CLASP1: variants seen among roughly 807,000 people sequenced by gnomAD.
CLASP1 encodes the protein cytoplasmic linker associated protein 1.
Under a neutral mutation model 192.3 loss-of-function variants are expected in CLASP1, and 38 were observed. The ratio of observed to expected loss-of-function variants is 0.20; its 90% confidence interval spans 0.15 to 0.26. The LOEUF (loss-of-function observed/expected upper bound fraction) is 0.26, where lower values mean the gene tolerates loss of function less well. Ranked by LOEUF, CLASP1 falls within the 10% of genes least tolerant of loss-of-function variation. The pLI, the probability that CLASP1 is intolerant of heterozygous loss-of-function variation, is 1.00. For synonymous variants in CLASP1, 691 were observed against 712.8 expected (o/e 0.97, Z 0.49); for missense variants, 1,433 against 1,932.5 (o/e 0.74, Z 4.85).
exon 33 of CLASP1, chr2:121,382,250 G>A (rs899105080): frequency 3.0e-5 from 48 of 1,609,028 alleles, no homozygotes; most frequent in Non-Finnish European, 3.7e-5. Context: ...GGAGGGAGCG[G>A]TGGGGATGGA....
At chr2:121,597,878 A>C (rs559667714) in intron 2 of CLASP1, among the ~76,000 whole-genome samples, 8 of 152,260 alleles carry the variant, frequency 5.3e-5, no homozygotes, top group African/African-American at 1.9e-4. Flanking sequence ...TCCCCCCCCA[A>C]TTCCCTCCAG....
At chr2:121,520,398 C>T (rs2094431063) in intron 6 of CLASP1, among the ~76,000 whole-genome samples, 1 of 152,198 alleles carries the variant, frequency 6.6e-6, no homozygotes, top group Non-Finnish European at 1.5e-5. Flanking sequence ...TGCCTTGGAG[C>T]GTGGGTACCC....
chr2:121,440,594 A>T (rs2083150342), intron 19 of CLASP1, among the ~76,000 whole-genome samples: 1 of 152,232 alleles, frequency 6.6e-6, no homozygotes, highest in Non-Finnish European at 1.5e-5. Flanking sequence ...TGGAAGGCTG[A>T]GGTGGGAGGA....
intron 24 of CLASP1, among the ~76,000 whole-genome samples, chr2:121,409,970 G>A (rs2077463551): frequency 6.6e-6 from 1 of 152,200 alleles, no homozygotes; most frequent in African/African-American, 2.4e-5. Flanking sequence ...ATGAGGGCAA[G>A]ACAAGAAGGA....
intron 2 of CLASP1, among the ~76,000 whole-genome samples, chr2:121,557,061 G>T (rs1157627612): frequency 3.3e-5 from 5 of 152,186 alleles, no homozygotes; most frequent in African/African-American, 9.7e-5. Flanking sequence ...AAGCTCTGTG[G>T]TTTGAATTCT....
chr2:121,610,400 A>T (rs2065113035), intron 1 of CLASP1, among the ~76,000 whole-genome samples: 1 of 149,562 alleles, frequency 6.7e-6, no homozygotes, highest in Admixed American at 6.7e-5. Flanking sequence ...GAGGAGGAGG[A>T]GTTACAGGAG....
At chr2:121,427,605 G>A in intron 20 of CLASP1, 175 bp from the exon 21 acceptor site, 1 of 664,874 alleles carries the variant, frequency 1.5e-6, no homozygotes, top group Non-Finnish European at 2.7e-6. Context: ...GTTTATCTTT[G>A]TCATTCTACA....
At chr2:121,498,730 A>G (rs2093630087) in intron 8 of CLASP1, among the ~76,000 whole-genome samples, 1 of 152,128 alleles carries the variant, frequency 6.6e-6, no homozygotes, top group Non-Finnish European at 1.5e-5. Context: ...TAGGCAATTA[A>G]CTCCTTTAGA....
intron 1 of CLASP1, among the ~76,000 whole-genome samples, chr2:121,632,444 G>C (rs1343367379): frequency 6.6e-6 from 1 of 151,600 alleles, no homozygotes; most frequent in African/African-American, 2.4e-5. Context: ...AAAAGCAAAA[G>C]ATTAGATAAA....
intron 5 of CLASP1, among the ~76,000 whole-genome samples, chr2:121,526,498 T>G (rs919446528): frequency 1.3e-5 from 2 of 152,228 alleles, no homozygotes; most frequent in African/African-American, 4.8e-5. Flanking sequence ...TCTTGGTTAA[T>G]CTGCCTACTA....
chr2:121,419,627 A>G (rs2079160644), intron 22 of CLASP1, among the ~76,000 whole-genome samples: 2 of 152,162 alleles, frequency 1.3e-5, no homozygotes, highest in South Asian at 4.1e-4. Flanking sequence ...ACTACAAGAC[A>G]GAATTGCATG....
chr2:121,407,261 T>TCAAAGCAAATGGATGG (rs1419984624), intron 25 of CLASP1, among the ~76,000 whole-genome samples: 2 of 152,136 alleles, frequency 1.3e-5, no homozygotes, highest in African/African-American at 4.8e-5. Context: ...GCCAGATATT[T>TCAAAGCAAATGGATGG]CAAAGCAAAT....
chr2:121,641,011 C>T (rs903014619), intron 1 of CLASP1, among the ~76,000 whole-genome samples: 3 of 152,248 alleles, frequency 2.0e-5, no homozygotes, highest in African/African-American at 7.2e-5. Flanking sequence ...CTATGACTTA[C>T]CAGAACTTAA....
chr2:121,360,360 A>C (rs571131338), intron 37 of CLASP1, among the ~76,000 whole-genome samples: 15 of 152,376 alleles, frequency 9.8e-5, no homozygotes, highest in African/African-American at 2.9e-4. Context: ...TATGACTAAT[A>C]AAGTAAGTCT....
chr2:121,455,033 C>T (rs1044128300), intron 14 of CLASP1, among the ~76,000 whole-genome samples: 1 of 152,170 alleles, frequency 6.6e-6, no homozygotes, highest in African/African-American at 2.4e-5. Context: ...AGTTCATAAT[C>T]ATCCCTCTGG....
exon 10 of CLASP1, chr2:121,462,551 T>C: frequency 6.3e-7 from 1 of 1,597,670 alleles, no homozygotes; most frequent in Non-Finnish European, 8.6e-7. Flanking sequence ...AGGTACATCA[T>C]CAAATGCTTT....
chr2:121,343,083 C>A (rs1025680914), intron 39 of CLASP1, among the ~76,000 whole-genome samples: 1 of 152,030 alleles, frequency 6.6e-6, no homozygotes. Flanking sequence ...CATGCCAAGA[C>A]CGTTTAATAG....
intron 8 of CLASP1, among the ~76,000 whole-genome samples, chr2:121,482,987 C>A (rs967084093): frequency 3.3e-5 from 5 of 152,188 alleles, no homozygotes; most frequent in African/African-American, 1.2e-4. Context: ...AGAGCTGGGA[C>A]CGTCCTCTAG....
chr2:121,635,546 G>A (rs2070677184), intron 1 of CLASP1, among the ~76,000 whole-genome samples: 1 of 152,124 alleles, frequency 6.6e-6, no homozygotes, highest in Non-Finnish European at 1.5e-5. Context: ...CTGACATCTG[G>A]ACTATAGATT....
Sources: gnomAD v4.1 joint callset for allele counts (sites outside exome capture counted in the v4.1 genomes callset) on GRCh38, gnomAD v4.1.1 for gene constraint, MANE v1.5 for transcripts, NCBI Gene and HGNC (gene_info 2026-07-23, HGNC 2026-07-21) for gene names.